The following THNSL2 variants were observed in gnomAD, a reference collection of about 807,000 sequenced individuals.
The protein encoded by THNSL2 is threonine synthase like 2.
A neutral mutation model predicts 40.0 loss-of-function variants in THNSL2; 34 were observed. That is an observed-to-expected ratio of 0.85 (90% CI 0.65 to 1.13). The LOEUF (loss-of-function observed/expected upper bound fraction) is 1.13, where lower values mean the gene tolerates loss of function less well. Among genes scored for constraint, THNSL2 ranks in the 50% most tolerant of loss-of-function variants. THNSL2 has a pLI of 0.00. For synonymous variants in THNSL2, 241 were observed against 247.5 expected (o/e 0.97, Z 0.25); for missense variants, 537 against 608.8 (o/e 0.88, Z 1.24).
intron 7 of THNSL2, among the ~76,000 whole-genome samples, chr2:88,184,453 G>A (rs1234891571): frequency 6.6e-6 from 1 of 152,208 alleles, no homozygotes; most frequent in Non-Finnish European, 1.5e-5. Context: ...CTAATTCACA[G>A]CAGGTAGCTA....
rs78406786 is a variant in THNSL2, at chr2:88,185,635, A to G, written c.1229+156A>G. 6,458 of 1,551,580 alleles carry G rather than the reference A, an allele frequency of 4.2e-3. 233 individuals are homozygous for G. In the East Asian group the frequency reaches 0.089, roughly 21 times the overall value. ...ACTGTGCCTTGGAAACTGTGGGCCC[A>G]GAAGAGGGAGCGTGACAGATATCCC... On this transcript the variant is annotated intron_variant, in intron 8 of 8. Coordinates refer to ENST00000674334, the MANE Select transcript of THNSL2 (RefSeq NM_018271.5).
intron 4 of THNSL2, 144 bp downstream of exon 4, chr2:88,175,545 C>A: frequency 9.8e-7 from 1 of 1,025,050 alleles, no homozygotes; most frequent in Non-Finnish European, 1.4e-6. Context: ...GTGTGTATGC[C>A]TTGGCTCAGC....
chr2:88,183,834 AT>A, intron 7 of THNSL2: 1 of 151,916 alleles, frequency 6.6e-6, no homozygotes, highest in Admixed American at 6.6e-5. Context: ...TCTCTACCAC[AT>A]TCCCACTGAG....
At chr2:88,173,031 G>T in intron 1 of THNSL2, 108 bp from the exon 2 acceptor site, 1 of 638,774 alleles carries the variant, frequency 1.6e-6, no homozygotes, top group Non-Finnish European at 2.6e-6. Flanking sequence ...ATGTGCCCCG[G>T]AGACTGGTGG....
At chr2:88,179,246 C>T (rs994425371) in intron 5 of THNSL2, among the ~76,000 whole-genome samples, 2 of 152,260 alleles carry the variant, frequency 1.3e-5, no homozygotes, top group African/African-American at 4.8e-5. Flanking sequence ...CACATGCTCC[C>T]ACAGCCTGAC....
intron 2 of THNSL2, among the ~76,000 whole-genome samples, chr2:88,173,977 T>A (rs1268197501): frequency 2.0e-5 from 3 of 152,184 alleles, no homozygotes; most frequent in Non-Finnish European, 4.4e-5. Flanking sequence ...CATAATGTAA[T>A]GGTGGTGGTT....
At chr2:88,180,902 A>G (rs900106482) in intron 5 of THNSL2, among the ~76,000 whole-genome samples, 1 of 152,108 alleles carries the variant, frequency 6.6e-6, no homozygotes. Context: ...GCATATTTTG[A>G]ATCCTGACTC....
intron 4 of THNSL2, chr2:88,175,622 G>A: frequency 3.7e-6 from 2 of 541,118 alleles, no homozygotes; most frequent in Middle Eastern, 5.0e-4. Context: ...GATACCAACA[G>A]TACAACATGC....
At position 88,178,686 on chromosome 2, in the gene THNSL2, T is replaced by G. The variant is rs546178375; in HGVS notation, c.572-97T>G. 43 of 1,314,206 alleles carry G rather than the reference T, an allele frequency of 3.3e-5. No homozygotes were observed. In the East Asian group the frequency reaches 9.4e-4, roughly 29 times the overall value. The allele number at this position is 1,314,206 out of a possible 1,614,324, so 81.4% of individuals were successfully genotyped here. A position where few individuals can be genotyped will look rare whatever the true frequency, so the allele number is the denominator to read the frequency against. On this transcript the variant is annotated intron_variant, in intron 4 of 8. Transcript: ENST00000674334. ...AGGCTGCGCGAAGGTCCCAGGAGGGTGGGCTCAGCCTGGGAGGGCCCTGTC... is the reference window on the plus strand; with the variant it reads ...AGGCTGCGCGAAGGTCCCAGGAGGGGGGGCTCAGCCTGGGAGGGCCCTGTC...
At chr2:88,185,761 T>A in intron 8 of THNSL2, 137 bp from the exon 9 acceptor site, 1 of 1,544,044 alleles carries the variant, frequency 6.5e-7, no homozygotes, top group Non-Finnish European at 8.7e-7. Context: ...AGGTGCCAAT[T>A]GTCTGTCTGT....
chr2:88,181,628 C>A (rs74323292), intron 5 of THNSL2, among the ~76,000 whole-genome samples: 3,925 of 147,382 alleles, frequency 0.027, 106 homozygotes, highest in African/African-American at 0.067. Context: ...GATTCACATA[C>A]CATTCACACA....
chr2:88,171,328 C>A, intron 1 of THNSL2: 1 of 456,716 alleles, frequency 2.2e-6, no homozygotes, highest in South Asian at 1.5e-5. Flanking sequence ...ATCAGGCCAG[C>A]TCCTTCCATG....
Position 88,185,924 on chromosome 2 carries a change from C to T in THNSL2, c.1256C>T (p.Ala419Val), listed in dbSNP as rs1458247241. 1 of 1,610,212 alleles carries T rather than the reference C, an allele frequency of 6.2e-7. No individual in the cohort carries two copies. Among genetic ancestry groups the T allele is most frequent in the Non-Finnish European group, 8.5e-7 (1 of 1,178,768 alleles). ...PSTPRCCLAP[A>V]SAAKFPEAVL... is the part of the protein sequence containing the mutation. ...ACTCCCCGGTGCTGCCTCGCCCCTG[C>T]CTCTGCAGCCAAGTTCCCGGAAGCT... The change falls in exon 9 of 9, where the codon GCC becomes GTC. Residue 419 changes from alanine to valine, a missense_variant. Physicochemically the swap from Ala to Val is moderately conservative, Grantham distance 64. Transcript: ENST00000674334.
At chr2:88,170,851 TG>T (rs34799993) in intron 1 of THNSL2, among the ~76,000 whole-genome samples, 40,828 of 151,792 alleles carry the variant, frequency 0.27, 6,425 homozygotes, top group Middle Eastern at 0.37. Context: ...CGTCGGCTCC[TG>T]GGGTCCGAGT....
At position 88,186,023 on chromosome 2, in the gene THNSL2, C is replaced by A; in HGVS notation, c.1355C>A (p.Thr452Asn). The A allele has an allele frequency of 6.2e-7, 1 of 1,607,374 alleles. No individual in the cohort carries two copies. The change falls in exon 9 of 9, where the codon ACC becomes AAC. Residue 452 changes from threonine (T) to asparagine (N), a missense_variant. Coordinates refer to ENST00000674334, the MANE Select transcript of THNSL2 (RefSeq NM_018271.5). ...CTGGAGCACAAGGAGACACGCTGCA[C>A]CCTGATGCGGAGAGGTGACAACTGG... is the stretch of plus-strand genomic sequence containing the variant. The part of the protein sequence containing the change: ...VALEHKETRC[T>N]LMRRGDNWML...
rs1333242884 is a variant in THNSL2 at position 88,186,278 on chromosome 2, C to G, written c.*155C>G. 1 of 740,172 alleles carries G rather than the reference C, an allele frequency of 1.4e-6. No homozygotes were observed. Among genetic ancestry groups the G allele is most frequent in the African/African-American group, 1.8e-5 (1 of 56,784 alleles). 45.9% of individuals were successfully genotyped at this position (740,172 alleles called of 1,614,324 possible). On this transcript the variant is annotated 3_prime_UTR_variant, in exon 9 of 9. Transcript: ENST00000674334. ...CAGCTGGCTTTGCTCCGTTCCCTGG[C>G]TAGTCTGTGCCTGGTCACCAGGGAG...
intron 4 of THNSL2, chr2:88,175,941 T>TA (rs1269331274): frequency 6.5e-6 from 1 of 152,828 alleles, no homozygotes; most frequent in Admixed American, 6.5e-5. Context: ...CTATAAAAAA[T>TA]ACAAAAATTA....
At position 88,185,419 on chromosome 2, in the gene THNSL2, G is replaced by A. The variant is rs1211827656; in HGVS notation, c.1169G>A (p.Cys390Tyr). 6.2e-7 allele frequency: 1 copy of A among 1,614,022 alleles called. No individual in the cohort carries two copies. Among genetic ancestry groups the A allele is most frequent in the Non-Finnish European group, 8.5e-7 (1 of 1,180,012 alleles). ...RCWDENQYLLCPHSAVAVNYH... is the reference protein window; with the variant it reads ...RCWDENQYLLYPHSAVAVNYH... The stretch of plus-strand genomic sequence containing the variant: ...TGGGATGAGAACCAGTACTTGCTGT[G>A]CCCCCACTCAGCGGTGGCCGTGAAC... Residue 390 changes from cysteine to tyrosine, a missense_variant, in exon 8 of 9, where the codon TGC (cysteine) becomes TAC (tyrosine). Coordinates refer to ENST00000674334, the MANE Select transcript of THNSL2 (RefSeq NM_018271.5).
chr2:88,182,683 C>T lies in THNSL2; in HGVS notation c.803-16C>T, dbSNP rs777496618. The T allele has an allele frequency of 1.9e-6, 3 of 1,549,128 alleles. No homozygotes were observed. Among genetic ancestry groups the T allele is most frequent in the South Asian group, 2.4e-5 (2 of 83,036 alleles). Reference sequence around the variant, plus strand: ...ATTTCTAAAAAGCCATTGTTCTCCTCCTCTCTTGTCTTAAGCTGGGTACAT... The same window carrying T: ...ATTTCTAAAAAGCCATTGTTCTCCTTCTCTCTTGTCTTAAGCTGGGTACAT... On this transcript the variant is annotated splice_polypyrimidine_tract_variant and intron_variant, in intron 5 of 8. Transcript: ENST00000674334.
Sources: allele counts gnomAD v4.1 joint callset (sites outside exome capture counted in the v4.1 genomes callset), GRCh38; gene constraint gnomAD v4.1.1; transcripts MANE v1.5; gene names NCBI Gene and HGNC (gene_info 2026-07-23, HGNC 2026-07-21).